The following HS6ST3 variants were observed in gnomAD, a reference collection of about 807,000 sequenced individuals.
The protein encoded by HS6ST3 is heparan-sulfate 6-O-sulfotransferase 3.
HS6ST3 carries 12 observed loss-of-function variants against 36.7 expected under a neutral mutation model. That is an observed-to-expected ratio of 0.33 (90% CI 0.21 to 0.53). The LOEUF is 0.53. Among genes scored for constraint, HS6ST3 ranks in the 20% least tolerant of loss-of-function variants. The probability of loss-of-function intolerance (pLI) is 0.95; values close to 1 mark genes in which losing one functional copy is unlikely to be tolerated. For synonymous variants in HS6ST3, 240 were observed against 257.5 expected, an observed-to-expected ratio of 0.93 and a Z score of 0.65; for missense variants, 584 against 640.9, an observed-to-expected ratio of 0.91 and a Z score of 0.96.
In HS6ST3 at chr13:96,544,754, G is replaced by A. The variant is rs533748445; in HGVS notation, c.708-287736G>A. 2.6e-5 allele frequency among the ~76,000 whole-genome samples: 4 copies of A among 152,100 alleles called. No homozygotes were observed. In the South Asian group the frequency reaches 6.2e-4, roughly 24 times the overall value. The stretch of plus-strand genomic sequence containing the variant: ...AGTTTTCATCACCTTCCGAAGTGCC[G>A]TCCTCTCTGGTGAATGTCTGATGGA... On this transcript the variant is annotated intron_variant, in intron 1 of 1. Coordinates refer to ENST00000376705, the MANE Select transcript of HS6ST3 (RefSeq NM_153456.4).
intron 1 of HS6ST3, among the ~76,000 whole-genome samples, chr13:96,800,402 C>G (rs1178748121): frequency 6.6e-6 from 1 of 151,654 alleles, no homozygotes; most frequent in African/African-American, 2.4e-5. Context: ...AGCATTTATA[C>G]TACACCTATT....
chr13:96,432,605 G>A (rs1009259241), intron 1 of HS6ST3, among the ~76,000 whole-genome samples: 2 of 152,082 alleles, frequency 1.3e-5, no homozygotes, highest in African/African-American at 4.8e-5. Flanking sequence ...CTCTGAAAAA[G>A]CTAATGGAGC....
At chr13:96,125,043 T>A (rs1331265709) in intron 1 of HS6ST3, among the ~76,000 whole-genome samples, 1 of 152,178 alleles carries the variant, frequency 6.6e-6, no homozygotes, top group East Asian at 1.9e-4. Context: ...GTGCAGCCAG[T>A]GATTTAAAGT....
At chr13:96,756,797 T>C (rs1241346227) in intron 1 of HS6ST3, among the ~76,000 whole-genome samples, 1 of 152,242 alleles carries the variant, frequency 6.6e-6, no homozygotes, top group East Asian at 1.9e-4. Flanking sequence ...TGCATATCTA[T>C]CTATCTGTCA....
At chr13:96,146,464 AT>A (rs2054058824) in intron 1 of HS6ST3, among the ~76,000 whole-genome samples, 1 of 152,098 alleles carries the variant, frequency 6.6e-6, no homozygotes, top group Non-Finnish European at 1.5e-5. Flanking sequence ...TTTGTCTGTT[AT>A]TGATGTATAA....
chr13:96,700,508 G>A (rs965096664), intron 1 of HS6ST3, among the ~76,000 whole-genome samples: 1 of 152,114 alleles, frequency 6.6e-6, no homozygotes, highest in Admixed American at 6.5e-5. Flanking sequence ...TTACTTGTTT[G>A]TAGTTATGTC....
intron 1 of HS6ST3, among the ~76,000 whole-genome samples, chr13:96,198,184 C>T (rs570140497): frequency 1.5e-4 from 23 of 152,330 alleles, no homozygotes; most frequent in East Asian, 9.7e-4. Flanking sequence ...ATGGCTGGAA[C>T]GGCTGGGACA....
intron 1 of HS6ST3, among the ~76,000 whole-genome samples, chr13:96,274,721 A>G (rs1291001952): frequency 1.3e-5 from 2 of 152,110 alleles, no homozygotes; most frequent in Non-Finnish European, 2.9e-5. Context: ...TCTCCATAGA[A>G]TTATATTCTA....
intron 1 of HS6ST3, among the ~76,000 whole-genome samples, chr13:96,770,814 G>A (rs572530944): frequency 6.6e-6 from 1 of 152,296 alleles, no homozygotes; most frequent in African/African-American, 2.4e-5. Flanking sequence ...CCCCATCGAG[G>A]GTAGTTTTAA....
intron 1 of HS6ST3, among the ~76,000 whole-genome samples, chr13:96,475,753 T>C (rs1280841993): frequency 2.0e-5 from 3 of 151,988 alleles, no homozygotes; most frequent in Admixed American, 2.0e-4. Flanking sequence ...TCAACTGAAA[T>C]CATTCTAAGT....
At chr13:96,788,449 T>C (rs921772486) in intron 1 of HS6ST3, among the ~76,000 whole-genome samples, 2 of 151,918 alleles carry the variant, frequency 1.3e-5, no homozygotes, top group Non-Finnish European at 2.9e-5. Context: ...TCTATGAACA[T>C]GATCTATCAG....
At chr13:96,124,912 G>C (rs2053943379) in intron 1 of HS6ST3, among the ~76,000 whole-genome samples, 1 of 152,100 alleles carries the variant, frequency 6.6e-6, no homozygotes. Flanking sequence ...TAGCTATAGA[G>C]ATATACCATA....
At chr13:96,754,124 G>GT (rs35999681) in intron 1 of HS6ST3, among the ~76,000 whole-genome samples, 331 of 152,158 alleles carry the variant, frequency 2.2e-3, no homozygotes, top group Middle Eastern at 0.01. Context: ...CGGCAAAAAT[G>GT]TTTTTTTGAT....
At chr13:96,574,068 T>A in intron 1 of HS6ST3, 1 of 542,568 alleles carries the variant, frequency 1.8e-6, no homozygotes, top group African/African-American at 1.9e-5. Context: ...GACAAGTGGC[T>A]TCATGGCTGC....
intron 1 of HS6ST3, among the ~76,000 whole-genome samples, chr13:96,526,253 C>T (rs1189472148): frequency 1.3e-5 from 2 of 152,174 alleles, no homozygotes; most frequent in East Asian, 3.9e-4. Context: ...CTATGTGATG[C>T]ACCGCTGACG....
chr13:96,300,504 G>A (rs755400478), intron 1 of HS6ST3, among the ~76,000 whole-genome samples: 4 of 152,166 alleles, frequency 2.6e-5, no homozygotes, highest in South Asian at 2.1e-4. Flanking sequence ...AGCTTTGGGC[G>A]GTGATACAGA....
chr13:96,090,983 C>T lies in HS6ST3; in HGVS notation c.121C>T (p.Pro41Ser), dbSNP rs773012377. The change falls in exon 1 of 2, where the codon CCC (proline) becomes TCC (serine). Residue 41 changes from proline (P) to serine (S), a missense_variant. Physicochemically the swap from Pro to Ser is moderately conservative, Grantham distance 74. Coordinates refer to ENST00000376705, the MANE Select transcript of HS6ST3 (RefSeq NM_153456.4). Reference protein sequence around the residue: ...TSSCTNFGEQPRAGEAGPPAV... With the variant: ...TSSCTNFGEQSRAGEAGPPAV... ...CTCCTGCACCAACTTCGGGGAGCAG[C>T]CCCGCGCGGGGGAGGCCGGCCCGCC... is the stretch of plus-strand genomic sequence containing the variant. 2.2e-6 allele frequency: 3 copies of T among 1,364,062 alleles called. No homozygotes were observed. Among genetic ancestry groups the T allele is most frequent in the East Asian group, 2.9e-5 (1 of 34,136 alleles). The allele number at this position is 1,364,062 out of a possible 1,614,324, so 84.5% of individuals were successfully genotyped here. A position where few individuals can be genotyped will look rare whatever the true frequency, so the allele number is the denominator to read the frequency against.
intron 1 of HS6ST3, among the ~76,000 whole-genome samples, chr13:96,821,329 T>G (rs1393279079): frequency 2.6e-5 from 4 of 152,216 alleles, no homozygotes; most frequent in Admixed American, 1.3e-4. Context: ...CCCTGTGATG[T>G]TCATTTTGCA....
chr13:96,551,989 T>C (rs2056221232), intron 1 of HS6ST3, among the ~76,000 whole-genome samples: 1 of 152,220 alleles, frequency 6.6e-6, no homozygotes, highest in Non-Finnish European at 1.5e-5. Context: ...TTAAAGTTAG[T>C]TGATCTATTT....
Sources: allele counts gnomAD v4.1 joint callset (sites outside exome capture counted in the v4.1 genomes callset), GRCh38; gene constraint gnomAD v4.1.1; transcripts MANE v1.5; gene names NCBI Gene and HGNC (gene_info 2026-07-23, HGNC 2026-07-21).